The following ATG10 variants were observed in gnomAD, a reference collection of about 807,000 sequenced individuals.
ATG10 encodes the protein autophagy related 10.
ATG10 carries 30 observed loss-of-function variants against 32.1 expected under a neutral mutation model. The observed-to-expected ratio is 0.94, with a 90% confidence interval of 0.70 to 1.27. ATG10 has a LOEUF of 1.27. Ranked by LOEUF, ATG10 falls within the 50% of genes most tolerant of loss-of-function variation. The probability of loss-of-function intolerance (pLI) is 0.00; values close to 1 mark genes in which losing one functional copy is unlikely to be tolerated. For missense variants in ATG10, 233 were observed against 262.3 expected, an observed-to-expected ratio of 0.89 and a Z score of 0.77; for synonymous variants, 87 against 91.5, an observed-to-expected ratio of 0.95 and a Z score of 0.28.
chr5:82,178,335 T>C (rs907226306), intron 4 of ATG10, among the ~76,000 whole-genome samples, 155 bp from the exon 5 acceptor site: 1 of 152,120 alleles, frequency 6.6e-6, no homozygotes, highest in Non-Finnish European at 1.5e-5. Flanking sequence ...AGGAAGAAAA[T>C]AGTAATTCAT....
At chr5:82,108,896 G>T (rs1004977360) in intron 3 of ATG10, among the ~76,000 whole-genome samples, 1 of 151,928 alleles carries the variant, frequency 6.6e-6, no homozygotes, top group African/African-American at 2.4e-5. Context: ...ACAGGCATAG[G>T]GGGGAAGATA....
In ATG10 at chr5:82,255,630, C is replaced by T. The variant is rs1747435429; in HGVS notation, c.*1567C>T. 6.6e-6 allele frequency: 1 copy of T among 152,176 alleles called. No homozygotes were observed. The highest frequency in any genetic ancestry group is 2.1e-4 in the South Asian group (1 of 4,828). The allele number at this position is 152,176 out of a possible 1,614,324, so 9.4% of individuals were successfully genotyped here. A position where few individuals can be genotyped will look rare whatever the true frequency, so the allele number is the denominator to read the frequency against. On this transcript the variant is annotated 3_prime_UTR_variant, in exon 8 of 8. Coordinates refer to ENST00000282185, the MANE Select transcript of ATG10 (RefSeq NM_031482.5). The stretch of plus-strand genomic sequence containing the variant: ...TGGTCTGGATATACCTTTATTGTGA[C>T]ATTGATTTGTATTGTTTTGCTCTAC...
intron 2 of ATG10, among the ~76,000 whole-genome samples, chr5:82,024,005 A>C (rs11741846): frequency 6.6e-6 from 1 of 152,200 alleles, no homozygotes; most frequent in Non-Finnish European, 1.5e-5. Context: ...ATGGCTGTTT[A>C]TTATGTAAAT....
chr5:82,047,856 A>G (rs1413914947), intron 2 of ATG10, among the ~76,000 whole-genome samples: 1 of 152,218 alleles, frequency 6.6e-6, no homozygotes, highest in Non-Finnish European at 1.5e-5. Context: ...TTTAGGTCTA[A>G]CGTTAAAGTC....
chr5:82,161,961 T>C lies in ATG10; in HGVS notation c.217-2438T>C, dbSNP rs138401418. ...TGATGAAGACATGTAACTTAGAAGC[T>C]ATAAACAGAAAATGTACAGATTTGA... On this transcript the variant is annotated intron_variant, in intron 3 of 7. Transcript: ENST00000282185. 3.4e-3 allele frequency among the ~76,000 whole-genome samples: 510 copies of C among 152,158 alleles called. 11 individuals carry two copies. In the East Asian group the frequency reaches 0.044, roughly 13 times the overall value.
chr5:82,096,752 A>G (rs1345033952), intron 3 of ATG10, among the ~76,000 whole-genome samples: 1 of 152,144 alleles, frequency 6.6e-6, no homozygotes, highest in African/African-American at 2.4e-5. Context: ...TCTATGAACC[A>G]ACATCATGTA....
intron 3 of ATG10, among the ~76,000 whole-genome samples, chr5:82,077,842 A>G (rs1764329671): frequency 1.3e-5 from 2 of 152,192 alleles, no homozygotes; most frequent in Non-Finnish European, 2.9e-5. Flanking sequence ...TATATTCTTT[A>G]TACTTCATAG....
chr5:82,227,136 C>T (rs1466246605), intron 5 of ATG10, among the ~76,000 whole-genome samples: 3 of 151,906 alleles, frequency 2.0e-5, no homozygotes, highest in Non-Finnish European at 4.4e-5. Context: ...TTCCTATATG[C>T]CCCCTCTTGT....
At chr5:82,126,476 G>GT (rs1411862955) in intron 3 of ATG10, among the ~76,000 whole-genome samples, 4 of 50,976 alleles carry the variant, frequency 7.8e-5, no homozygotes, top group African/African-American at 2.3e-4. Context: ...TTTATTGAGA[G>GT]TTTTTTAGCA....
At chr5:82,188,727 C>G (rs538712226) in intron 5 of ATG10, among the ~76,000 whole-genome samples, 1 of 152,074 alleles carries the variant, frequency 6.6e-6, no homozygotes, top group Non-Finnish European at 1.5e-5. Flanking sequence ...AACACAGGCT[C>G]TGCTGCTACA....
At chr5:82,113,417 A>G (rs999303927) in intron 3 of ATG10, among the ~76,000 whole-genome samples, 1 of 152,020 alleles carries the variant, frequency 6.6e-6, no homozygotes, top group African/African-American at 2.4e-5. Context: ...AAGTATTATT[A>G]TATAAAAAGT....
chr5:82,015,299 T>A (rs1762252936), intron 2 of ATG10, among the ~76,000 whole-genome samples: 1 of 152,228 alleles, frequency 6.6e-6, no homozygotes, highest in South Asian at 2.1e-4. Flanking sequence ...CTGACAATGA[T>A]GTGTTGTGGA....
chr5:82,186,229 A>T (rs1275837782), intron 5 of ATG10, among the ~76,000 whole-genome samples: 1 of 152,202 alleles, frequency 6.6e-6, no homozygotes, highest in Non-Finnish European at 1.5e-5. Context: ...TCTGTAATTC[A>T]CTGCTAATTT....
intron 5 of ATG10, among the ~76,000 whole-genome samples, chr5:82,219,911 C>A (rs1745849437): frequency 6.6e-6 from 1 of 152,180 alleles, no homozygotes; most frequent in Non-Finnish European, 1.5e-5. Flanking sequence ...GGGGATAGAA[C>A]ACAGCTAACA....
chr5:82,035,536 G>A (rs1054250984), intron 2 of ATG10, among the ~76,000 whole-genome samples: 2 of 151,922 alleles, frequency 1.3e-5, no homozygotes, highest in African/African-American at 4.8e-5. Flanking sequence ...TATAAAATTG[G>A]ATATTGCTGA....
intron 5 of ATG10, among the ~76,000 whole-genome samples, chr5:82,246,159 C>G (rs1267841081): frequency 6.6e-6 from 1 of 150,964 alleles, no homozygotes; most frequent in African/African-American, 2.4e-5. Context: ...CTACCTCTGC[C>G]TTCTGGGTTC....
At chr5:82,190,654 C>T (rs1354708248) in intron 5 of ATG10, among the ~76,000 whole-genome samples, 1 of 151,330 alleles carries the variant, frequency 6.6e-6, no homozygotes, top group Non-Finnish European at 1.5e-5. Context: ...GCCTGTAGTG[C>T]CAGCTACTTA....
chr5:82,167,992 A>G (rs1005424481), intron 4 of ATG10, among the ~76,000 whole-genome samples: 3 of 152,230 alleles, frequency 2.0e-5, no homozygotes, highest in African/African-American at 7.2e-5. Flanking sequence ...GTAATAATAA[A>G]TAGCCTACAT....
chr5:81,984,839 A>G (rs1354807269), intron 1 of ATG10, among the ~76,000 whole-genome samples: 1 of 152,210 alleles, frequency 6.6e-6, no homozygotes, highest in Non-Finnish European at 1.5e-5. Context: ...TCAAAAAAAC[A>G]ATAATTATTC....
Sources: allele counts gnomAD v4.1 joint callset (sites outside exome capture counted in the v4.1 genomes callset), GRCh38; gene constraint gnomAD v4.1.1; transcripts MANE v1.5; gene names NCBI Gene and HGNC (gene_info 2026-07-23, HGNC 2026-07-21).